The following ATP10B variants were observed in gnomAD, a reference collection of about 807,000 sequenced individuals.
The protein encoded by ATP10B is phospholipid-transporting ATPase VB.
Under a neutral mutation model 141.2 loss-of-function variants are expected in ATP10B, and 122 were observed. The observed-to-expected ratio is 0.86, with a 90% CI of 0.75 to 1.00. The LOEUF is 1.00. Among genes scored for constraint, ATP10B ranks in the 50% least tolerant of loss-of-function variants. The pLI, the probability that ATP10B is intolerant of heterozygous loss-of-function variation, is 0.00. For missense variants in ATP10B, 1,876 were observed against 1,825.3 expected, an observed-to-expected ratio of 1.03 and a Z score of -0.51; for synonymous variants, 685 against 692.0, an observed-to-expected ratio of 0.99 and a Z score of 0.16.
In ATP10B at chr5:160,632,341, G is replaced by C. The variant is rs1192896225; in HGVS notation, c.1408C>G (p.Leu470Val). The C allele has an allele frequency of 1.9e-6, 3 of 1,614,050 alleles. No individual in the cohort carries two copies. ...NAKRLETPKELDSDGEEWTQY... is the reference protein window; with the variant it reads ...NAKRLETPKEVDSDGEEWTQY... ...GTCCACTCTTCACCATCTGAGTCCA[G>C]CTCCTTTGGGGTCTCCAGTCGCTTA... Residue 470 changes from leucine (L) to valine (V), a missense_variant, in exon 13 of 26, where the codon CTG becomes GTG. Leu to Val is a conservative substitution (Grantham distance 32, BLOSUM62 1). Coordinates refer to ENST00000327245, the MANE Select transcript of ATP10B (RefSeq NM_025153.3).
chr5:160,814,170 C>G (rs1040836623), intron 1 of ATP10B, among the ~76,000 whole-genome samples: 1 of 151,852 alleles, frequency 6.6e-6, no homozygotes, highest in African/African-American at 2.4e-5. Flanking sequence ...AGTCTTCAGA[C>G]GATCAAACTA....
At chr5:160,694,242 C>G (rs1371586780) in intron 3 of ATP10B, among the ~76,000 whole-genome samples, 2 of 152,080 alleles carry the variant, frequency 1.3e-5, no homozygotes, top group African/African-American at 4.8e-5. Context: ...TTGCATAATC[C>G]CATTATCTGA....
At chr5:160,837,836 G>A (rs1479535887) in intron 1 of ATP10B, among the ~76,000 whole-genome samples, 1 of 152,012 alleles carries the variant, frequency 6.6e-6, no homozygotes, top group Non-Finnish European at 1.5e-5. Flanking sequence ...AGATACGCCT[G>A]TACTTGTTAT....
At chr5:160,667,376 T>C (rs1230968405) in intron 7 of ATP10B, among the ~76,000 whole-genome samples, 1 of 152,066 alleles carries the variant, frequency 6.6e-6, no homozygotes, top group Non-Finnish European at 1.5e-5. Flanking sequence ...ATGGAGACAA[T>C]AATAGTGCCC....
chr5:160,880,066 T>C, the ATP10B span, among the ~76,000 whole-genome samples: 563 of 150,632 alleles, frequency 3.7e-3, 2 homozygotes, highest in Non-Finnish European at 6.1e-3. Context: ...TCTATGTGTA[T>C]AAATCACATA....
chr5:160,866,190 A>G, the ATP10B span, among the ~76,000 whole-genome samples: 9 of 152,206 alleles, frequency 5.9e-5, no homozygotes, highest in African/African-American at 9.6e-5. Flanking sequence ...ACAAGTGAAG[A>G]AAATGTGGTA....
At chr5:160,595,401 G>A (rs1756605228) in intron 22 of ATP10B, among the ~76,000 whole-genome samples, 1 of 152,010 alleles carries the variant, frequency 6.6e-6, no homozygotes, top group Non-Finnish European at 1.5e-5. Context: ...AGTGTGTAGA[G>A]GGAAATTTAT....
At chr5:160,849,582 C>G (rs1335232851) in intron 1 of ATP10B, among the ~76,000 whole-genome samples, 1 of 149,766 alleles carries the variant, frequency 6.7e-6, no homozygotes, top group East Asian at 2.0e-4. Context: ...TTATTAAGTG[C>G]CTTCTGTGGG....
intron 1 of ATP10B, among the ~76,000 whole-genome samples, chr5:160,797,425 C>T (rs1023903534): frequency 6.6e-6 from 1 of 152,166 alleles, no homozygotes; most frequent in Admixed American, 6.6e-5. Flanking sequence ...TGAGTTGCTT[C>T]TGCAGCACTT....
intron 1 of ATP10B, among the ~76,000 whole-genome samples, chr5:160,835,936 C>CT (rs1354173920): frequency 1.3e-5 from 2 of 152,104 alleles, no homozygotes; most frequent in Non-Finnish European, 2.9e-5. Context: ...TTGGTCCCAA[C>CT]TGCTGATATC....
At chr5:160,856,181 A>G (rs564137621), upstream of ATP10B, among the ~76,000 whole-genome samples, 1 of 151,980 alleles carries the variant, frequency 6.6e-6, no homozygotes, top group East Asian at 1.9e-4. Context: ...CATCTTTACT[A>G]TTTGAATAGT....
At chr5:160,785,868 C>A (rs1375447098) in intron 1 of ATP10B, 65 bp from the exon 2 acceptor site, 4 of 293,828 alleles carry the variant, frequency 1.4e-5, no homozygotes, top group African/African-American at 6.8e-5. Flanking sequence ...CAGCAATAAT[C>A]AAGTATTTTG....
upstream of ATP10B, among the ~76,000 whole-genome samples, chr5:160,855,033 G>C (rs891157690): frequency 1.6e-4 from 24 of 152,172 alleles, no homozygotes; most frequent in Admixed American, 2.0e-4. Flanking sequence ...CTGTTATAAA[G>C]TTGCTATAAA....
At chr5:160,624,928 A>T (rs1758536121) in intron 13 of ATP10B, among the ~76,000 whole-genome samples, 1 of 152,204 alleles carries the variant, frequency 6.6e-6, no homozygotes, top group Non-Finnish European at 1.5e-5. Context: ...GGGACCATCT[A>T]GTGTTTGTCA....
intron 1 of ATP10B, among the ~76,000 whole-genome samples, chr5:160,806,103 A>G (rs1198490616): frequency 1.3e-5 from 2 of 152,120 alleles, no homozygotes; most frequent in Non-Finnish European, 2.9e-5. Context: ...TATAAAGCCC[A>G]CCCACACTGG....
upstream of ATP10B, among the ~76,000 whole-genome samples, chr5:160,855,571 T>C (rs1437397683): frequency 6.6e-6 from 1 of 151,920 alleles, no homozygotes; most frequent in Non-Finnish European, 1.5e-5. Context: ...ATAACTTATC[T>C]TTTTATCCCC....
intron 9 of ATP10B, 119 bp from the exon 10 acceptor site, chr5:160,640,711 A>G: frequency 2.2e-6 from 3 of 1,347,228 alleles, no homozygotes; most frequent in Non-Finnish European, 2.0e-6. Context: ...CTTTAACCTG[A>G]ACTTGCCCCG....
the ATP10B span, among the ~76,000 whole-genome samples, chr5:160,926,910 C>T: frequency 5.9e-5 from 9 of 152,338 alleles, no homozygotes; most frequent in Admixed American, 5.9e-4. Context: ...CTCCCCATTG[C>T]TTGTGGAGCT....
rs867413720 is a variant in ATP10B at position 160,778,487 on chromosome 5, C to T, written c.-331+7072G>A. ...AAGAAGAGGCTGAAAGTCAGTTTTC[C>T]CCCTCTTTTTTAAGTATCTGGGCAG... On this transcript the variant is annotated intron_variant, in intron 2 of 25. Transcript: ENST00000327245. 6.6e-5 allele frequency among the ~76,000 whole-genome samples: 10 copies of T among 152,138 alleles called. No individual in the cohort carries two copies. In the Middle Eastern group the frequency reaches 0.014, roughly 207 times the overall value.
Sources: allele counts gnomAD v4.1 joint callset (sites outside exome capture counted in the v4.1 genomes callset), GRCh38; gene constraint gnomAD v4.1.1; transcripts MANE v1.5; gene names NCBI Gene and HGNC (gene_info 2026-07-23, HGNC 2026-07-21).